Variants in PRIM2 observed in about 807,000 individuals in gnomAD.
The protein encoded by PRIM2 is DNA primase large subunit.
PRIM2 carries 39 observed loss-of-function variants against 67.3 expected under a neutral mutation model. The ratio of observed to expected loss-of-function variants is 0.58; its 90% CI spans 0.45 to 0.76. PRIM2 has a LOEUF of 0.76. Ranked by LOEUF, PRIM2 falls within the 30% of genes least tolerant of loss-of-function variation. PRIM2 has a pLI of 0.00. For synonymous variants in PRIM2, 143 were observed against 198.7 expected, an observed-to-expected ratio of 0.72 and a Z score of 2.36; for missense variants, 398 against 598.7, an observed-to-expected ratio of 0.66 and a Z score of 3.50.
intron 7 of PRIM2, among the ~76,000 whole-genome samples, chr6:57,384,311 G>A (rs1246791739): frequency 1.3e-5 from 2 of 152,110 alleles, no homozygotes; most frequent in African/African-American, 4.8e-5. Context: ...TCTTTGACTT[G>A]TGGCAACATA....
intron 5 of PRIM2, among the ~76,000 whole-genome samples, chr6:57,362,121 G>A (rs1468937465): frequency 6.6e-6 from 1 of 152,140 alleles, no homozygotes. Context: ...CTTTGTCAAA[G>A]CCATAGAGCT....
intron 12 of PRIM2, among the ~76,000 whole-genome samples, chr6:57,627,544 A>G (rs1776972550): frequency 6.6e-6 from 1 of 151,316 alleles, no homozygotes; most frequent in Non-Finnish European, 1.5e-5. Context: ...ACGCACCACC[A>G]CACCCAGCTA....
chr6:57,525,898 AG>A (rs1431764495), intron 8 of PRIM2, among the ~76,000 whole-genome samples: 4 of 152,150 alleles, frequency 2.6e-5, no homozygotes, highest in African/African-American at 9.7e-5. Flanking sequence ...GCTGAGAGAT[AG>A]GGGGGTTGTA....
chr6:57,501,740 AAC>A (rs1247334944), intron 7 of PRIM2, among the ~76,000 whole-genome samples: 1 of 152,226 alleles, frequency 6.6e-6, no homozygotes, highest in African/African-American at 2.4e-5. Context: ...AAGGTGTTTA[AAC>A]ACACACTTTT....
At chr6:57,236,124 A>G in the PRIM2 span, among the ~76,000 whole-genome samples, 3 of 152,226 alleles carry the variant, frequency 2.0e-5, no homozygotes, top group Non-Finnish European at 4.4e-5. Context: ...TGAATTTAGT[A>G]TGTCTCCTAC....
intron 8 of PRIM2, among the ~76,000 whole-genome samples, chr6:57,513,303 T>C (rs1371293887): frequency 2.7e-5 from 4 of 148,496 alleles, no homozygotes; most frequent in Admixed American, 6.8e-5. Context: ...ATCTTTGCTA[T>C]CCTAATGATG....
At chr6:57,522,513 TTTTA>T (rs1554349005) in intron 8 of PRIM2, among the ~76,000 whole-genome samples, 2 of 152,182 alleles carry the variant, frequency 1.3e-5, no homozygotes, top group Non-Finnish European at 2.9e-5. Context: ...TCAAAATATC[TTTTA>T]TTTATTTATT....
At chr6:57,388,558 A>G (rs1770225908) in intron 7 of PRIM2, among the ~76,000 whole-genome samples, 1 of 152,060 alleles carries the variant, frequency 6.6e-6, no homozygotes, top group Admixed American at 6.6e-5. Context: ...CTTTATGGTA[A>G]CCCTATAAGG....
Position 57,426,757 on chromosome 6 carries a change from G to T in PRIM2, c.693+44589G>T, listed in dbSNP as rs1332595265. On this transcript the variant is annotated intron_variant, in intron 7 of 13. Transcript: ENST00000615550. The stretch of plus-strand genomic sequence containing the variant: ...AATCAAATGAAATGTTTCTCAACAG[G>T]TGATTAGATAAATACATTTTGATAT... 2.0e-5 allele frequency among the ~76,000 whole-genome samples: 3 copies of T among 152,270 alleles called. No individual in the cohort carries two copies. The South Asian group carries it at 6.2e-4, about 32-fold the overall frequency.
the PRIM2 span, among the ~76,000 whole-genome samples, chr6:57,265,091 T>C: frequency 6.6e-6 from 1 of 152,230 alleles, no homozygotes; most frequent in Admixed American, 6.5e-5. Context: ...TGTACAGTGC[T>C]ATAAAATGTT....
In PRIM2 at chr6:57,566,128, G is replaced by C. The variant is rs1775733596; in HGVS notation, c.1020+28503G>C. On this transcript the variant is annotated intron_variant, in intron 10 of 13. Coordinates refer to ENST00000615550, the MANE Select transcript of PRIM2 (RefSeq NM_000947.5). ...TATGTTTCACATTTTGGGTTTATTT[G>C]TTTGCTTTTTTTGTGGTGTCATTTA... is the stretch of plus-strand genomic sequence containing the variant. Among the ~76,000 whole-genome samples the C allele has an allele frequency of 1.5e-5, 2 of 132,180 alleles. 1 individual carries two copies. Among genetic ancestry groups the C allele is most frequent in the South Asian group, 4.8e-4 (2 of 4,146 alleles). The allele number at this position is 132,180 out of a possible 152,430, so 86.7% of individuals were successfully genotyped here.
chr6:57,305,309 C>T, the PRIM2 span, among the ~76,000 whole-genome samples: 3 of 152,126 alleles, frequency 2.0e-5, no homozygotes, highest in Admixed American at 6.5e-5. Flanking sequence ...AAAGTGTATG[C>T]GAGCCTATCT....
the PRIM2 span, among the ~76,000 whole-genome samples, chr6:57,259,576 G>T: frequency 6.6e-6 from 1 of 152,084 alleles, no homozygotes; most frequent in Non-Finnish European, 1.5e-5. Context: ...GGGCTCAAGG[G>T]ATCATCCTGC....
intron 5 of PRIM2, among the ~76,000 whole-genome samples, chr6:57,347,218 G>C (rs1038867158): frequency 9.9e-5 from 15 of 152,210 alleles, no homozygotes; most frequent in Admixed American, 9.8e-4. Context: ...TAAGGCTTCT[G>C]TATGAATATT....
At chr6:57,600,752 C>T (rs1183537426) in intron 10 of PRIM2, among the ~76,000 whole-genome samples, 2 of 152,140 alleles carry the variant, frequency 1.3e-5, no homozygotes, top group Admixed American at 6.5e-5. Flanking sequence ...AGAGGCTAAA[C>T]TGATTTTCTT....
At chr6:57,544,156 T>C (rs2127472723) in intron 10 of PRIM2, among the ~76,000 whole-genome samples, 1 of 152,270 alleles carries the variant, frequency 6.6e-6, no homozygotes, top group East Asian at 1.9e-4. Flanking sequence ...TCAGTAATGC[T>C]GTCTCTTACA....
chr6:57,548,751 A>G (rs1775340021), intron 10 of PRIM2, among the ~76,000 whole-genome samples: 1 of 152,106 alleles, frequency 6.6e-6, no homozygotes, highest in South Asian at 2.1e-4. Flanking sequence ...TGAATTGGTA[A>G]AGGAGTGTTT....
At chr6:57,636,139 T>G (rs1476256338) in intron 13 of PRIM2, among the ~76,000 whole-genome samples, 4 of 152,076 alleles carry the variant, frequency 2.6e-5, no homozygotes, top group East Asian at 1.9e-4. Context: ...CAAAACATAA[T>G]TTTTTAAATC....
intron 10 of PRIM2, among the ~76,000 whole-genome samples, chr6:57,556,628 A>G (rs1354295458): frequency 6.6e-6 from 1 of 152,358 alleles, no homozygotes; most frequent in East Asian, 1.9e-4. Context: ...CATATAAAAA[A>G]ATCAACTCAA....
Sources: allele counts gnomAD v4.1 joint callset (sites outside exome capture counted in the v4.1 genomes callset), GRCh38; gene constraint gnomAD v4.1.1; transcripts MANE v1.5; gene names NCBI Gene and HGNC (gene_info 2026-07-23, HGNC 2026-07-21).